The following ROBO2 variants were observed in gnomAD, a reference collection of about 807,000 sequenced individuals.
The protein encoded by ROBO2 is roundabout guidance receptor 2, also known as roundabout homolog 2.
A neutral mutation model predicts 160.8 loss-of-function variants in ROBO2; 53 were observed. That is an observed-to-expected ratio of 0.33 (90% CI 0.26 to 0.41). The LOEUF is 0.41. ROBO2 is among the 10% of genes least tolerant of loss of function. ROBO2 has a pLI of 1.00. For synonymous variants in ROBO2, 664 were observed against 611.7 expected (o/e 1.09, Z -1.26); for missense variants, 1,577 against 1,722.4 (o/e 0.92, Z 1.49).
chr3:77,567,738 C>T (rs1262652166), intron 12 of ROBO2, among the ~76,000 whole-genome samples: 2 of 151,916 alleles, frequency 1.3e-5, no homozygotes, highest in Non-Finnish European at 2.9e-5. Flanking sequence ...GAGCTGTTTC[C>T]CCTCTTCCCC....
intron 2 of ROBO2, among the ~76,000 whole-genome samples, chr3:76,726,430 A>C (rs1431784524): frequency 6.6e-6 from 1 of 152,076 alleles, no homozygotes; most frequent in Non-Finnish European, 1.5e-5. Context: ...CATTCTCTAG[A>C]TTTGTGTTCA....
intron 2 of ROBO2, among the ~76,000 whole-genome samples, chr3:76,103,922 TA>T (rs2069810954): frequency 6.6e-6 from 1 of 152,144 alleles, no homozygotes; most frequent in South Asian, 2.1e-4. Context: ...CCAGTGAACA[TA>T]AAAAACCATC....
intron 2 of ROBO2, among the ~76,000 whole-genome samples, chr3:76,413,878 T>G (rs886099583): frequency 6.6e-6 from 1 of 152,130 alleles, no homozygotes; most frequent in Non-Finnish European, 1.5e-5. Flanking sequence ...CTGGTACCAA[T>G]TTACTGTATT....
At chr3:76,024,728 G>T (rs187964584) in intron 2 of ROBO2, among the ~76,000 whole-genome samples, 238 of 151,540 alleles carry the variant, frequency 1.6e-3, no homozygotes, top group Non-Finnish European at 2.4e-3. Context: ...ATGTTGCATG[G>T]CATAAAATTT....
In ROBO2 at chr3:76,025,153, G is replaced by C. The variant is rs566234352; in HGVS notation, c.109+87551G>C. Among the ~76,000 whole-genome samples the C allele has an allele frequency of 7.3e-5, 11 of 151,316 alleles. No homozygotes were observed. The South Asian group carries it at 1.9e-3, about 26-fold the overall frequency. Reference sequence around the variant, plus strand: ...TCTCATTTCCCTCCAAGAATTTTTTGCAGAAAATTAATTTTAAATAATGCT... The same window carrying C: ...TCTCATTTCCCTCCAAGAATTTTTTCCAGAAAATTAATTTTAAATAATGCT... On this transcript the variant is annotated intron_variant, in intron 2 of 26. Coordinates refer to the ROBO2 transcript ENST00000487694.
intron 2 of ROBO2, among the ~76,000 whole-genome samples, chr3:77,182,306 C>G (rs1350100192): frequency 6.6e-6 from 1 of 151,964 alleles, no homozygotes; most frequent in African/African-American, 2.4e-5. Context: ...GTTTGAGAAC[C>G]ATACTTGGGG....
chr3:77,065,549 G>A (rs531882013), intron 1 of ROBO2, among the ~76,000 whole-genome samples: 14 of 152,104 alleles, frequency 9.2e-5, no homozygotes, highest in Non-Finnish European at 2.1e-4. Flanking sequence ...GAGTATTGGT[G>A]ATCAAGATTG....
intron 2 of ROBO2, among the ~76,000 whole-genome samples, chr3:77,152,550 A>G (rs980946006): frequency 3.9e-5 from 6 of 152,172 alleles, no homozygotes; most frequent in African/African-American, 1.2e-4. Flanking sequence ...GTGCCCCATG[A>G]ACAGAGAGCA....
intron 2 of ROBO2, among the ~76,000 whole-genome samples, chr3:76,245,800 G>T (rs564165651): frequency 6.6e-6 from 1 of 152,254 alleles, no homozygotes; most frequent in African/African-American, 2.4e-5. Context: ...TCTGCTGAAT[G>T]ATACTTGCTC....
intron 2 of ROBO2, among the ~76,000 whole-genome samples, chr3:76,029,888 G>T (rs2066862759): frequency 6.6e-6 from 1 of 152,132 alleles, no homozygotes; most frequent in African/African-American, 2.4e-5. Flanking sequence ...CCCAGTAATG[G>T]AATTGCTGGG....
intron 2 of ROBO2, among the ~76,000 whole-genome samples, chr3:76,321,660 C>A (rs2072538362): frequency 6.6e-6 from 1 of 152,178 alleles, no homozygotes; most frequent in East Asian, 1.9e-4. Context: ...GTCAAGTAAC[C>A]TACCCCCATT....
intron 2 of ROBO2, among the ~76,000 whole-genome samples, chr3:76,567,405 A>G (rs1186063855): frequency 6.6e-6 from 1 of 151,744 alleles, no homozygotes; most frequent in East Asian, 1.9e-4. Flanking sequence ...TTATTTTGGA[A>G]ATGTAAATAT....
At chr3:77,395,669 T>A (rs1385704531) in intron 2 of ROBO2, among the ~76,000 whole-genome samples, 1 of 152,152 alleles carries the variant, frequency 6.6e-6, no homozygotes, top group Non-Finnish European at 1.5e-5. Flanking sequence ...TAGATCTAAA[T>A]GTAATCGTGT....
At chr3:77,316,285 C>G (rs1392184407) in intron 2 of ROBO2, among the ~76,000 whole-genome samples, 1 of 152,028 alleles carries the variant, frequency 6.6e-6, no homozygotes, top group African/African-American at 2.4e-5. Flanking sequence ...GAGGTGACGA[C>G]GATGAACTGC....
At chr3:76,433,969 A>G in intron 2 of ROBO2, 1 of 775,940 alleles carries the variant, frequency 1.3e-6, no homozygotes, top group South Asian at 1.4e-5. Context: ...AATCTAGAAG[A>G]AAATTAAGGG....
chr3:75,911,295 A>T (rs905662621), intron 1 of ROBO2, among the ~76,000 whole-genome samples: 18 of 152,150 alleles, frequency 1.2e-4, no homozygotes, highest in African/African-American at 4.3e-4. Context: ...TTACAGACCC[A>T]TGATTAAAAT....
chr3:76,967,407 A>T (rs189728170), intron 2 of ROBO2, among the ~76,000 whole-genome samples: 1 of 149,430 alleles, frequency 6.7e-6, no homozygotes, highest in African/African-American at 2.5e-5. Context: ...AGTTTCCGCC[A>T]TGTTGCCCAG....
chr3:77,391,411 G>A (rs759218483), intron 2 of ROBO2, among the ~76,000 whole-genome samples: 9 of 151,918 alleles, frequency 5.9e-5, no homozygotes, highest in Non-Finnish European at 1.0e-4. Context: ...ACCTCAAGCT[G>A]TCGTCCCAAC....
chr3:76,398,552 C>T (rs1381562023), intron 2 of ROBO2, among the ~76,000 whole-genome samples: 2 of 151,750 alleles, frequency 1.3e-5, no homozygotes, highest in Non-Finnish European at 2.9e-5. Context: ...ATTTTACCAC[C>T]TAACCTTACC....
Sources: gnomAD v4.1 joint callset for allele counts (sites outside exome capture counted in the v4.1 genomes callset) on GRCh38, gnomAD v4.1.1 for gene constraint, MANE v1.5 for transcripts, NCBI Gene and HGNC (gene_info 2026-07-23, HGNC 2026-07-21) for gene names.